Variants in JAKMIP2 observed in about 807,000 individuals in gnomAD.
JAKMIP2 encodes the protein janus kinase and microtubule-interacting protein 2.
In JAKMIP2, 25 loss-of-function variants were observed where a neutral mutation model predicts 115.0. The observed-to-expected ratio is 0.22, with a 90% CI of 0.16 to 0.30. The LOEUF (loss-of-function observed/expected upper bound fraction) is 0.30. Among genes scored for constraint, JAKMIP2 ranks in the 10% least tolerant of loss-of-function variants. JAKMIP2 has a pLI of 1.00. For synonymous variants in JAKMIP2, 334 were observed against 343.6 expected, an observed-to-expected ratio of 0.97 and a Z score of 0.31; for missense variants, 642 against 957.6, an observed-to-expected ratio of 0.67 and a Z score of 4.35.
At chr5:147,699,455 A>G (rs1432277673) in intron 1 of JAKMIP2, among the ~76,000 whole-genome samples, 1 of 152,210 alleles carries the variant, frequency 6.6e-6, no homozygotes, top group Non-Finnish European at 1.5e-5. Context: ...AAACAATTAG[A>G]GAGGGACTCT....
At chr5:147,594,060 AT>A (rs1382968832) in intron 21 of JAKMIP2, among the ~76,000 whole-genome samples, 1 of 152,192 alleles carries the variant, frequency 6.6e-6, no homozygotes, top group Non-Finnish European at 1.5e-5. Flanking sequence ...GAGTAAACAC[AT>A]GTTGGTTTTA....
intron 5 of JAKMIP2, among the ~76,000 whole-genome samples, chr5:147,645,493 A>G (rs368984443): frequency 3.3e-5 from 5 of 152,186 alleles, no homozygotes; most frequent in East Asian, 3.9e-4. Context: ...GACTCGCACT[A>G]CAGTTGTTAT....
At chr5:147,708,003 A>C (rs1266841019) in intron 1 of JAKMIP2, among the ~76,000 whole-genome samples, 2 of 152,216 alleles carry the variant, frequency 1.3e-5, no homozygotes, top group Non-Finnish European at 2.9e-5. Flanking sequence ...AGGGCAATTT[A>C]AATTGGTATT....
At chr5:147,648,173 C>T (rs1048654072) in intron 5 of JAKMIP2, among the ~76,000 whole-genome samples, 6 of 152,040 alleles carry the variant, frequency 3.9e-5, no homozygotes, top group Non-Finnish European at 4.4e-5. Context: ...TCACAAGAAG[C>T]GGGGGTGTGA....
chr5:147,708,493 G>A (rs1752663317), intron 1 of JAKMIP2, among the ~76,000 whole-genome samples: 1 of 152,074 alleles, frequency 6.6e-6, no homozygotes, highest in Admixed American at 6.5e-5. Context: ...AAACAGGTTG[G>A]AATTATAATT....
intron 2 of JAKMIP2, among the ~76,000 whole-genome samples, chr5:147,664,738 C>T (rs527351998): frequency 1.2e-4 from 19 of 152,196 alleles, no homozygotes; most frequent in South Asian, 6.2e-4. Flanking sequence ...TCTACCCTAC[C>T]GCAGGCTGGT....
intron 3 of JAKMIP2, among the ~76,000 whole-genome samples, chr5:147,654,197 C>G (rs1253858662): frequency 2.0e-5 from 3 of 148,276 alleles, no homozygotes; most frequent in Non-Finnish European, 4.5e-5. Flanking sequence ...TATATGGGCT[C>G]TTTTTGGTTC....
chr5:147,745,102 A>G (rs540798259), intron 1 of JAKMIP2, among the ~76,000 whole-genome samples: 4 of 151,378 alleles, frequency 2.6e-5, no homozygotes, highest in African/African-American at 7.3e-5. Context: ...CTCAGCACCT[A>G]TTGTAGATTC....
intron 1 of JAKMIP2, among the ~76,000 whole-genome samples, chr5:147,704,142 T>G (rs981992226): frequency 6.6e-6 from 1 of 152,140 alleles, no homozygotes; most frequent in Non-Finnish European, 1.5e-5. Context: ...AACTTTTATA[T>G]TTAAGTGGAA....
chr5:147,603,395 C>T (rs1755816992), intron 20 of JAKMIP2, among the ~76,000 whole-genome samples: 1 of 152,154 alleles, frequency 6.6e-6, no homozygotes, highest in Admixed American at 6.5e-5. Context: ...AAGTGCTGCA[C>T]ACAGCTGAAG....
chr5:147,604,539 C>T (rs937024801), intron 20 of JAKMIP2, among the ~76,000 whole-genome samples: 1 of 152,128 alleles, frequency 6.6e-6, no homozygotes, highest in East Asian at 1.9e-4. Flanking sequence ...CACCAACTCC[C>T]TTTAACCTCA....
intron 1 of JAKMIP2, among the ~76,000 whole-genome samples, chr5:147,767,450 T>C (rs1755195764): frequency 6.6e-6 from 1 of 152,124 alleles, no homozygotes; most frequent in Non-Finnish European, 1.5e-5. Flanking sequence ...TCAGTGGCAT[T>C]TGACTACACA....
intron 21 of JAKMIP2, among the ~76,000 whole-genome samples, chr5:147,592,434 C>T (rs1755144096): frequency 1.3e-5 from 2 of 152,180 alleles, no homozygotes; most frequent in African/African-American, 4.8e-5. Context: ...AGGTGCTACC[C>T]TGGGGATGTG....
chr5:147,768,927 T>C (rs1755248544), intron 1 of JAKMIP2, among the ~76,000 whole-genome samples: 2 of 152,136 alleles, frequency 1.3e-5, no homozygotes, highest in Admixed American at 1.3e-4. Context: ...CTTTTGAGAA[T>C]AGGATCCTGA....
chr5:147,756,609 T>C (rs1754753640), intron 1 of JAKMIP2, among the ~76,000 whole-genome samples: 2 of 152,066 alleles, frequency 1.3e-5, no homozygotes, highest in Non-Finnish European at 2.9e-5. Flanking sequence ...CAATGCAGAC[T>C]GGGACAGGTA....
In JAKMIP2 at chr5:147,586,520, G is replaced by A. The variant is rs1754875932; in HGVS notation, c.*5187C>T. The A allele has an allele frequency of 6.6e-6, 1 of 151,900 alleles. No individual in the cohort carries two copies. The highest frequency in any genetic ancestry group is 6.6e-5 in the Admixed American group (1 of 15,222). The allele number at this position is 151,900 out of a possible 1,614,324, so 9.4% of individuals were successfully genotyped here. A position where few individuals can be genotyped will look rare whatever the true frequency, so the allele number is the denominator to read the frequency against. On this transcript the variant is annotated 3_prime_UTR_variant, in exon 22 of 22. Coordinates refer to ENST00000616793, the MANE Select transcript of JAKMIP2 (RefSeq NM_001270941.2). ...TGTGGGCAAAATTGGGCTCAAAGTT[G>A]TTTAACTTTACCATTCTCACCCTAC... is the stretch of plus-strand genomic sequence containing the variant.
chr5:147,593,480 C>G (rs140114095), intron 21 of JAKMIP2, among the ~76,000 whole-genome samples: 1 of 151,494 alleles, frequency 6.6e-6, no homozygotes, highest in Non-Finnish European at 1.5e-5. Context: ...CTCTCCAGAA[C>G]GGCTGAGCCT....
chr5:147,607,012 C>T (rs1481693631), intron 20 of JAKMIP2, among the ~76,000 whole-genome samples: 2 of 152,156 alleles, frequency 1.3e-5, no homozygotes, highest in Non-Finnish European at 2.9e-5. Flanking sequence ...GTGATTTTTG[C>T]ACATTGATTT....
At chr5:147,768,720 G>A (rs1391356641) in intron 1 of JAKMIP2, among the ~76,000 whole-genome samples, 4 of 152,080 alleles carry the variant, frequency 2.6e-5, no homozygotes, top group African/African-American at 9.7e-5. Flanking sequence ...TTCACACTCT[G>A]CTTTTACTTC....
Sources: gnomAD v4.1 joint callset for allele counts (sites outside exome capture counted in the v4.1 genomes callset) on GRCh38, gnomAD v4.1.1 for gene constraint, MANE v1.5 for transcripts, NCBI Gene and HGNC (gene_info 2026-07-23, HGNC 2026-07-21) for gene names.